The following ADGRL3 variants were observed in gnomAD, a reference collection of about 807,000 sequenced individuals.
ADGRL3 encodes the protein calcium-independent alpha-latrotoxin receptor 3.
A neutral mutation model predicts 153.5 loss-of-function variants in ADGRL3; 62 were observed. The ratio of observed to expected loss-of-function variants is 0.40; its 90% CI spans 0.33 to 0.50. The LOEUF (loss-of-function observed/expected upper bound fraction) is 0.50. Ranked by LOEUF, ADGRL3 falls within the 20% of genes least tolerant of loss-of-function variation. ADGRL3 has a pLI of 0.47. For synonymous variants in ADGRL3, 710 were observed against 672.5 expected (o/e 1.06, Z -0.86); for missense variants, 1,641 against 1,859.4 (o/e 0.88, Z 2.16).
At chr4:61,577,746 G>A (rs1370913827) in intron 4 of ADGRL3, among the ~76,000 whole-genome samples, 1 of 151,466 alleles carries the variant, frequency 6.6e-6, no homozygotes, top group African/African-American at 2.4e-5. Flanking sequence ...CCAGGAGTTC[G>A]AGGTTGTAGT....
chr4:61,448,700 GAA>G (rs1461430406), intron 2 of ADGRL3, among the ~76,000 whole-genome samples: 2 of 20,450 alleles, frequency 9.8e-5, no homozygotes, highest in African/African-American at 1.5e-4. Context: ...GGATAGGAAC[GAA>G]GGAAAGAAAG....
intron 5 of ADGRL3, among the ~76,000 whole-genome samples, chr4:61,630,620 G>T (rs2093103614): frequency 6.6e-6 from 1 of 152,066 alleles, no homozygotes; most frequent in Admixed American, 6.5e-5. Context: ...TGTGCAAATG[G>T]CCAACTTTCT....
At chr4:61,767,895 C>A (rs1416230152) in intron 8 of ADGRL3, among the ~76,000 whole-genome samples, 1 of 152,038 alleles carries the variant, frequency 6.6e-6, no homozygotes, top group Admixed American at 6.6e-5. Flanking sequence ...TTATTGCACA[C>A]CTTGAAGGTG....
Position 62,071,643 on chromosome 4 carries a change from A to G in ADGRL3, c.*735A>G, listed in dbSNP as rs892888211. The G allele has an allele frequency of 2.6e-6, 1 of 380,492 alleles. No individual in the cohort carries two copies. Among genetic ancestry groups the G allele is most frequent in the Non-Finnish European group, 5.0e-6 (1 of 198,398 alleles). The allele number at this position is 380,492 out of a possible 1,614,324, so 23.6% of individuals were successfully genotyped here. On this transcript the variant is annotated 3_prime_UTR_variant, in exon 27 of 27. Transcript: ENST00000683033. ...GAGTCCTGTTAATGTAGTAGAAAAA[A>G]AAAAAAGAAATTTTCTTTTTCTTTT...
chr4:61,455,813 TTTTA>T (rs1287395453), intron 2 of ADGRL3, among the ~76,000 whole-genome samples: 2 of 151,932 alleles, frequency 1.3e-5, no homozygotes, highest in East Asian at 1.9e-4. Flanking sequence ...TCCTACATTA[TTTTA>T]TTTATTTATT....
rs2096464113 is a variant in ADGRL3, at chr4:61,732,998, G to A, written c.843G>A (p.Val281=). ...PHRVDGTGFV[V]YDGALFFNKE... is the part of the protein sequence containing the mutation. ...GGGTGGATGGCACAGGATTTGTAGTGTATGATGGAGCTTTGTTCTTCAACA... is the reference window on the plus strand; with the variant it reads ...GGGTGGATGGCACAGGATTTGTAGTATATGATGGAGCTTTGTTCTTCAACA... Residue 281 remains valine, a synonymous_variant, in exon 8 of 27, where the codon GTG becomes GTA. Coordinates refer to ENST00000683033, the MANE Select transcript of ADGRL3 (RefSeq NM_001387552.1). The A allele has an allele frequency of 1.4e-5, 22 of 1,613,770 alleles. No homozygotes were observed. Among genetic ancestry groups the A allele is most frequent in the Non-Finnish European group, 1.8e-5 (21 of 1,179,826 alleles).
intron 2 of ADGRL3, among the ~76,000 whole-genome samples, chr4:61,492,587 G>C (rs2098270108): frequency 6.6e-6 from 1 of 151,890 alleles, no homozygotes; most frequent in African/African-American, 2.4e-5. Context: ...AATAAAACTG[G>C]GGAAACAATT....
chr4:61,582,770 C>A (rs1447211832), intron 4 of ADGRL3, among the ~76,000 whole-genome samples: 1 of 151,948 alleles, frequency 6.6e-6, no homozygotes, highest in Non-Finnish European at 1.5e-5. Flanking sequence ...GTGATTTAGT[C>A]CATACAGTCA....
At chr4:61,794,217 G>A (rs1360645964) in intron 8 of ADGRL3, among the ~76,000 whole-genome samples, 3 of 152,108 alleles carry the variant, frequency 2.0e-5, no homozygotes, top group African/African-American at 4.8e-5. Flanking sequence ...AATGTATTTA[G>A]CCATTTCTTC....
At chr4:61,751,090 A>G (rs2096751819) in intron 8 of ADGRL3, among the ~76,000 whole-genome samples, 1 of 152,146 alleles carries the variant, frequency 6.6e-6, no homozygotes, top group South Asian at 2.1e-4. Context: ...TGAAGTGTAT[A>G]TGCAAGGGAT....
In ADGRL3 at chr4:61,903,292, ACTT is replaced by A. The variant is rs1376283554; in HGVS notation, c.1888-6261_1888-6259del. Among the ~76,000 whole-genome samples the A allele has an allele frequency of 4.6e-5, 7 of 152,024 alleles. No individual in the cohort carries two copies. In the East Asian group the frequency reaches 1.2e-3, roughly 25 times the overall value. ...CCTTTCAAGGTTTCACTTGGTGGTT[ACTT>A]CTTCTTGCCCTCCCTCACCTTTCCA... On this transcript the variant is annotated intron_variant, in intron 11 of 26. Coordinates refer to ENST00000683033, the MANE Select transcript of ADGRL3 (RefSeq NM_001387552.1).
At position 62,029,663 on chromosome 4, in the gene ADGRL3, G is replaced by A. The variant is rs6818330; in HGVS notation, c.3422+782G>A. Among the ~76,000 whole-genome samples the A allele has an allele frequency of 3.8e-3, 574 of 149,178 alleles. 6 individuals are homozygous for A. Among genetic ancestry groups the A allele is most frequent in the African/African-American group, 0.014 (551 of 40,806 alleles). On this transcript the variant is annotated intron_variant, in intron 22 of 26. Transcript: ENST00000683033. ...TCCTTTGTTTTCATTTTTCTCCAGT[G>A]CCATTTCACTTCTTCATGCTTCTGC...
At chr4:62,051,193 TACATACAC>T (rs1734026714) in intron 25 of ADGRL3, among the ~76,000 whole-genome samples, 1 of 145,650 alleles carries the variant, frequency 6.9e-6, no homozygotes, top group African/African-American at 2.6e-5. Flanking sequence ...TATATATACA[TACATACAC>T]AAAGGATATA....
At chr4:61,691,233 A>G (rs1045274766) in intron 6 of ADGRL3, among the ~76,000 whole-genome samples, 4 of 152,170 alleles carry the variant, frequency 2.6e-5, no homozygotes, top group Non-Finnish European at 5.9e-5. Context: ...ACTCGCTGCT[A>G]CTTAGGTACC....
intron 1 of ADGRL3, among the ~76,000 whole-genome samples, chr4:61,212,978 T>A (rs1405400791): frequency 6.6e-6 from 1 of 152,156 alleles, no homozygotes; most frequent in African/African-American, 2.4e-5. Flanking sequence ...AGAAATGAAA[T>A]TTGCTTAGAG....
intron 4 of ADGRL3, among the ~76,000 whole-genome samples, chr4:61,531,475 G>A (rs796804911): frequency 6.6e-6 from 1 of 152,100 alleles, no homozygotes; most frequent in Non-Finnish European, 1.5e-5. Flanking sequence ...AGCCTTAGTG[G>A]CTTGATGTGG....
chr4:61,732,553 C>T (rs1331370689), intron 7 of ADGRL3, among the ~76,000 whole-genome samples: 1 of 151,946 alleles, frequency 6.6e-6, no homozygotes, highest in Non-Finnish European at 1.5e-5. Flanking sequence ...AGATATTTTT[C>T]AGTTATCAAA....
chr4:61,266,132 A>G (rs1399289386), intron 1 of ADGRL3, among the ~76,000 whole-genome samples: 2 of 151,822 alleles, frequency 1.3e-5, no homozygotes, highest in African/African-American at 2.4e-5. Context: ...TATTCTAACA[A>G]TGATTCCATT....
At chr4:61,754,148 T>G (rs933747196) in intron 8 of ADGRL3, among the ~76,000 whole-genome samples, 1 of 152,228 alleles carries the variant, frequency 6.6e-6, no homozygotes, top group African/African-American at 2.4e-5. Context: ...CTTAAAACTT[T>G]CTAGTCATAT....
Sources: allele counts gnomAD v4.1 joint callset (sites outside exome capture counted in the v4.1 genomes callset), GRCh38; gene constraint gnomAD v4.1.1; transcripts MANE v1.5; gene names NCBI Gene and HGNC (gene_info 2026-07-23, HGNC 2026-07-21).